The following LRP1B variants were observed in gnomAD, a reference collection of about 807,000 sequenced individuals.
The protein encoded by LRP1B is low-density lipoprotein receptor-related protein 1B.
In LRP1B, 217 loss-of-function variants were observed where a neutral mutation model predicts 556.6. The observed-to-expected ratio is 0.39, with a 90% CI of 0.35 to 0.44. LRP1B has a LOEUF of 0.44. Ranked by LOEUF, LRP1B falls within the 20% of genes least tolerant of loss-of-function variation. The pLI is 1.00. For missense variants in LRP1B, 5,053 were observed against 5,620.8 expected (o/e 0.90, Z 3.23); for synonymous variants, 2,047 against 1,865.8 (o/e 1.10, Z -2.50).
intron 1 of LRP1B, among the ~76,000 whole-genome samples, chr2:142,040,208 C>T (rs1704017607): frequency 6.6e-6 from 1 of 151,232 alleles, no homozygotes; most frequent in Admixed American, 6.6e-5. Flanking sequence ...TTAATGCTTG[C>T]TGCTATCCAC....
chr2:141,750,474 T>G (rs1694068534), intron 2 of LRP1B, among the ~76,000 whole-genome samples: 1 of 152,110 alleles, frequency 6.6e-6, no homozygotes, highest in Non-Finnish European at 1.5e-5. Flanking sequence ...AAAAAAAAGC[T>G]TCTCATCTCT....
intron 86 of LRP1B, among the ~76,000 whole-genome samples, chr2:140,267,084 A>C (rs190127970): frequency 1.1e-3 from 172 of 152,176 alleles, no homozygotes; most frequent in Admixed American, 5.0e-3. Flanking sequence ...TTAGATAATA[A>C]TACTACTTAT....
rs3063648 is a variant in LRP1B, at chr2:140,929,756, T to TCACACACACACACA, written c.3137-6623_3137-6610dup. On this transcript the variant is annotated intron_variant, in intron 20 of 90. Coordinates refer to ENST00000389484, the MANE Select transcript of LRP1B (RefSeq NM_018557.3). ...AAGTTTATACCACAGTCATATAGACTCACACACACACACACACACACACAC... is the reference window on the plus strand; with the variant it reads ...AAGTTTATACCACAGTCATATAGACTCACACACACACACACACACACACACACACACACACACAC... 1.2e-3 allele frequency among the ~76,000 whole-genome samples: 162 copies of TCACACACACACACA among 139,306 alleles called. 2 individuals carry two copies. Among genetic ancestry groups the TCACACACACACACA allele is most frequent in the East Asian group, 2.4e-3 (11 of 4,608 alleles). 91.4% of individuals were successfully genotyped at this position (139,306 alleles called of 152,430 possible). A position where few individuals can be genotyped will look rare whatever the true frequency, so the allele number is the denominator to read the frequency against.
At chr2:140,769,927 C>T (rs1689250054) in intron 34 of LRP1B, among the ~76,000 whole-genome samples, 1 of 151,882 alleles carries the variant, frequency 6.6e-6, no homozygotes, top group South Asian at 2.1e-4. Context: ...ACTTCTCTGG[C>T]ATCAAAAGCC....
intron 41 of LRP1B, among the ~76,000 whole-genome samples, chr2:140,695,208 G>A (rs1686387673): frequency 1.3e-5 from 2 of 151,796 alleles, no homozygotes; most frequent in Admixed American, 1.3e-4. Flanking sequence ...TTTTAGAGTG[G>A]ACTTCATTGA....
chr2:140,420,594 TTAAA>T (rs1384997981), intron 66 of LRP1B, among the ~76,000 whole-genome samples: 1 of 152,246 alleles, frequency 6.6e-6, no homozygotes, highest in Admixed American at 6.5e-5. Context: ...ATTCTACAAC[TTAAA>T]TAAACTCAAA....
chr2:141,615,179 C>T (rs1426707029), intron 2 of LRP1B, among the ~76,000 whole-genome samples: 3 of 152,118 alleles, frequency 2.0e-5, no homozygotes, highest in African/African-American at 4.8e-5. Context: ...GAAGGTAAAT[C>T]GGTTAGTGAT....
rs779330134 is a variant in LRP1B at position 141,254,632 on chromosome 2, G to A, written c.353C>T (p.Ser118Phe). The A allele has an allele frequency of 1.4e-5, 22 of 1,608,176 alleles. No individual in the cohort carries two copies. The South Asian group carries it at 2.2e-4, about 16-fold the overall frequency. Reference sequence around the variant, plus strand: ...CTGACAATTCAGCTGTTGGCAATTGGATAACAGTTCTGTAGAGAAAAAACA... The same window carrying A: ...CTGACAATTCAGCTGTTGGCAATTGAATAACAGTTCTGTAGAGAAAAAACA... ...DEGVHCQELL[S>F]NCQQLNCQYK... is the part of the protein sequence containing the mutation. The change falls in exon 4 of 91, where the codon TCC (serine) becomes TTC (phenylalanine). Residue 118 changes from serine (S) to phenylalanine (F), a missense_variant. By Grantham distance (155) the Ser-to-Phe change is radical. Transcript: ENST00000389484.
intron 66 of LRP1B, among the ~76,000 whole-genome samples, chr2:140,427,613 C>T (rs1006854852): frequency 6.6e-6 from 1 of 152,166 alleles, no homozygotes; most frequent in African/African-American, 2.4e-5. Context: ...GTAAAATGGG[C>T]AAACGGTCTG....
chr2:141,921,773 A>G (rs1000404293), intron 1 of LRP1B, among the ~76,000 whole-genome samples: 1 of 152,126 alleles, frequency 6.6e-6, no homozygotes, highest in African/African-American at 2.4e-5. Context: ...ATAATTCAAT[A>G]GAAAGCAAAT....
chr2:140,455,384 T>C (rs1456542570), intron 62 of LRP1B, among the ~76,000 whole-genome samples: 2 of 152,174 alleles, frequency 1.3e-5, no homozygotes, highest in Admixed American at 6.5e-5. Flanking sequence ...AGAGTAATAA[T>C]AACAACACCT....
At chr2:140,274,987 C>T (rs1037880836) in intron 84 of LRP1B, among the ~76,000 whole-genome samples, 1 of 152,010 alleles carries the variant, frequency 6.6e-6, no homozygotes, top group African/African-American at 2.4e-5. Flanking sequence ...CACCTCTTTT[C>T]ATCTAGAGAA....
intron 82 of LRP1B, among the ~76,000 whole-genome samples, chr2:140,316,064 A>T (rs924561203): frequency 6.6e-6 from 1 of 152,142 alleles, no homozygotes; most frequent in African/African-American, 2.4e-5. Context: ...GGCAAGTATA[A>T]TTTATGATAA....
chr2:141,573,623 C>T (rs1024910056), intron 2 of LRP1B, among the ~76,000 whole-genome samples: 17 of 125,040 alleles, frequency 1.4e-4, no homozygotes, highest in East Asian at 7.5e-4. Flanking sequence ...TATAGATGCA[C>T]GAAAAACCCT....
chr2:141,176,557 C>A (rs767208162), intron 7 of LRP1B, among the ~76,000 whole-genome samples: 1 of 150,664 alleles, frequency 6.6e-6, no homozygotes, highest in Non-Finnish European at 1.5e-5. Flanking sequence ...TCCTGTTAAG[C>A]CTGCAGAACT....
At chr2:141,707,319 C>T (rs942888899) in intron 2 of LRP1B, among the ~76,000 whole-genome samples, 1 of 152,034 alleles carries the variant, frequency 6.6e-6, no homozygotes, top group Non-Finnish European at 1.5e-5. Flanking sequence ...CCTGAATACC[C>T]AATAACTATG....
At chr2:141,981,075 G>T (rs886250311) in intron 1 of LRP1B, among the ~76,000 whole-genome samples, 1 of 152,048 alleles carries the variant, frequency 6.6e-6, no homozygotes, top group African/African-American at 2.4e-5. Context: ...TAACAACTGC[G>T]TGACCTTAAG....
At chr2:140,965,249 C>G (rs66489519) in intron 18 of LRP1B, among the ~76,000 whole-genome samples, 32,691 of 151,932 alleles carry the variant, frequency 0.22, 3,630 homozygotes, top group Middle Eastern at 0.28. Flanking sequence ...GAAATAGAGT[C>G]TTTGTCAATA....
intron 2 of LRP1B, among the ~76,000 whole-genome samples, chr2:141,503,781 T>A (rs4560051): frequency 6.6e-6 from 1 of 151,804 alleles, no homozygotes; most frequent in African/African-American, 2.4e-5. Context: ...TTGTAAGGGG[T>A]GAGAGAGAGA....
Sources: gnomAD v4.1 joint callset for allele counts (sites outside exome capture counted in the v4.1 genomes callset) on GRCh38, gnomAD v4.1.1 for gene constraint, MANE v1.5 for transcripts, NCBI Gene and HGNC (gene_info 2026-07-23, HGNC 2026-07-21) for gene names.